The following PCDHGB2 variants were observed in gnomAD, a reference collection of about 807,000 sequenced individuals.
PCDHGB2 encodes protocadherin gamma subfamily B, 2, also known as protocadherin gamma-B2.
PCDHGB2 carries 55 observed loss-of-function variants against 59.3 expected under a neutral mutation model. That is an observed-to-expected ratio of 0.93 (90% confidence interval 0.75 to 1.16). PCDHGB2 has a LOEUF of 1.16. Among genes scored for constraint, PCDHGB2 ranks in the 50% most tolerant of loss-of-function variants. The probability of loss-of-function intolerance (pLI) is 0.00; values close to 1 mark genes in which losing one functional copy is unlikely to be tolerated. For missense variants in PCDHGB2, 1,228 were observed against 1,198.5 expected (o/e 1.02, Z -0.36); for synonymous variants, 516 against 512.0 (o/e 1.01, Z -0.11).
rs1386904017 is a variant in PCDHGB2 at position 141,476,642 on chromosome 5, CG to C, written c.2422-18164del. On this transcript the variant is annotated intron_variant, in intron 1 of 3. Coordinates refer to ENST00000522605, the MANE Select transcript of PCDHGB2 (RefSeq NM_018923.3). The surrounding 1 kb of genome is among the most constrained non-coding windows in gnomAD (Gnocchi z 7.6). ...CTCTTTACAAACCTATGAGCTGAGC[CG>C]AAATGAATACTTTGCGCTTCGCGTG... The C allele has an allele frequency of 2.5e-6, 4 of 1,614,240 alleles. No homozygotes were observed.
At chr5:141,406,702 A>G (rs1430662433) in intron 1 of PCDHGB2, among the ~76,000 whole-genome samples, 1 of 152,242 alleles carries the variant, frequency 6.6e-6, no homozygotes. Context: ...TCTATAGTAT[A>G]TGCTTGCTCA....
intron 1 of PCDHGB2, among the ~76,000 whole-genome samples, chr5:141,438,636 ACACACAC>A: frequency 3.9e-5 from 1 of 25,700 alleles, no homozygotes; most frequent in African/African-American, 1.5e-4. Flanking sequence ...ATATATATAT[ACACACAC>A]ACACACACAT....
chr5:141,431,658 C>T lies in PCDHGB2; in HGVS notation c.2422-63149C>T, dbSNP rs1283381348. 6.2e-7 allele frequency: 1 copy of T among 1,614,088 alleles called. No individual in the cohort carries two copies. ...TTCAAACTAGATTGTAATTCAGGGA[C>T]AATATCAACAATAGGGGAGTTGGAC... On this transcript the variant is annotated intron_variant, in intron 1 of 3. Transcript: ENST00000522605. The surrounding 1 kb of genome is among the most constrained non-coding windows in gnomAD (Gnocchi z 4.8).
intron 1 of PCDHGB2, chr5:141,404,273 C>G (rs751189949): frequency 6.2e-7 from 1 of 1,613,870 alleles, no homozygotes; most frequent in African/African-American, 1.3e-5. Flanking sequence ...CATCACCCTG[C>G]AAGTGACTGA....
At chr5:141,393,617 C>A (rs746699091) in intron 1 of PCDHGB2, 4 of 1,613,770 alleles carry the variant, frequency 2.5e-6, no homozygotes, top group African/African-American at 2.7e-5. Context: ...CAGCCAGCGA[C>A]CCGGATGAGG....
chr5:141,370,781 C>T (rs774285137), intron 1 of PCDHGB2: 16 of 1,613,898 alleles, frequency 9.9e-6, no homozygotes, highest in Non-Finnish European at 1.3e-5. Context: ...TTAACGACAA[C>T]CCACCGACCT....
chr5:141,410,101 C>T, intron 1 of PCDHGB2: 1 of 1,612,490 alleles, frequency 6.2e-7, no homozygotes, highest in African/African-American at 1.3e-5. Flanking sequence ...GAGCCTTAGG[C>T]GACAGGGACG....
chr5:141,366,149 C>T lies in PCDHGB2; in HGVS notation c.2421+3593C>T, dbSNP rs532159175. The stretch of plus-strand genomic sequence containing the variant: ...AGGCCAGAACGCCTGGCTGTCCTAC[C>T]GCCTGCTTAAGGCCAGCGAGCCAGG... On this transcript the variant is annotated intron_variant, in intron 1 of 3. Transcript: ENST00000522605. 9.9e-6 allele frequency: 16 copies of T among 1,614,042 alleles called. No homozygotes were observed. In the South Asian group the frequency reaches 1.5e-4, roughly 16 times the overall value.
intron 1 of PCDHGB2, among the ~76,000 whole-genome samples, chr5:141,444,838 T>G (rs2098448876): frequency 6.6e-6 from 1 of 152,214 alleles, no homozygotes; most frequent in African/African-American, 2.4e-5. Context: ...AGCTTTATAG[T>G]AAGTCTTGCT....
At chr5:141,422,721 G>A in intron 1 of PCDHGB2, 1 of 1,605,664 alleles carries the variant, frequency 6.2e-7, no homozygotes, top group East Asian at 2.2e-5. Flanking sequence ...ACACTGTCCA[G>A]GGGGTGCCTC....
chr5:141,455,255 C>T (rs1049752169), intron 1 of PCDHGB2, among the ~76,000 whole-genome samples: 16 of 152,146 alleles, frequency 1.1e-4, no homozygotes, highest in African/African-American at 3.9e-4. Flanking sequence ...AGTACAATCG[C>T]ATTTCTTCCC....
At chr5:141,389,571 C>T (rs2091830159) in intron 1 of PCDHGB2, 2 of 1,613,136 alleles carry the variant, frequency 1.2e-6, no homozygotes, top group East Asian at 2.2e-5. Context: ...GGTGCTGTAC[C>T]CCGCGCTGGG....
chr5:141,387,813 A>T, intron 1 of PCDHGB2: 6 of 1,531,348 alleles, frequency 3.9e-6, no homozygotes, highest in Non-Finnish European at 5.3e-6. Flanking sequence ...GAGATCCAAA[A>T]ATCTGCAATA....
rs1207223799 is a variant in PCDHGB2 at position 141,360,474 on chromosome 5, A to G, written c.339A>G (p.Pro113=). ...ATTTCGATACTGTCGCTGAAAATCC[A>G]CTAAATATTTTCTACATAGCAGTAA... ...VLDFDTVAEN[P]LNIFYIAVIV... The change falls in exon 1 of 4, where the codon CCA becomes CCG. Residue 113 remains proline, a synonymous_variant. Transcript: ENST00000522605. 6.2e-7 allele frequency: 1 copy of G among 1,613,864 alleles called. No homozygotes were observed. The highest frequency in any genetic ancestry group is 1.3e-5 in the African/African-American group (1 of 74,924).
chr5:141,365,657 G>A (rs79266084), intron 1 of PCDHGB2: 42,341 of 1,613,360 alleles, frequency 0.026, 713 homozygotes, highest in East Asian at 0.041. Flanking sequence ...CTTGAAAGTA[G>A]CAGACGTTAA....
At chr5:141,503,743 G>C (rs1465272424) in intron 2 of PCDHGB2, among the ~76,000 whole-genome samples, 1 of 152,126 alleles carries the variant, frequency 6.6e-6, no homozygotes, top group Non-Finnish European at 1.5e-5. Context: ...TGATGGTATA[G>C]AGGTCACACA....
intron 1 of PCDHGB2, chr5:141,418,398 T>C (rs754177868): frequency 6.2e-7 from 1 of 1,613,842 alleles, no homozygotes; most frequent in South Asian, 1.1e-5. Flanking sequence ...TATTTCTCAT[T>C]GGTGGAGAAA....
intron 1 of PCDHGB2, among the ~76,000 whole-genome samples, chr5:141,362,988 G>A (rs1762757672): frequency 6.6e-6 from 1 of 152,224 alleles, no homozygotes; most frequent in South Asian, 2.1e-4. Flanking sequence ...TTGCATAATG[G>A]CATGGCTTGT....
In PCDHGB2 at chr5:141,423,270, T is replaced by G. The variant is rs1304998648; in HGVS notation, c.2421+60714T>G. 3 of 1,613,686 alleles carry G rather than the reference T, an allele frequency of 1.9e-6. No homozygotes were observed. The African/African-American group carries it at 4.0e-5, about 22-fold the overall frequency. ...TGGCGGACCTCGGCAGCCTCGAGTC[T>G]CTGGCTAACTCTGAAACCTCAGACC... is the stretch of plus-strand genomic sequence containing the variant. On this transcript the variant is annotated intron_variant, in intron 1 of 3. Transcript: ENST00000522605.
Sources: gnomAD v4.1 joint callset for allele counts (sites outside exome capture counted in the v4.1 genomes callset) on GRCh38, gnomAD v4.1.1 for gene constraint, Gnocchi (gnomAD v3.1) non-coding constraint, MANE v1.5 for transcripts, NCBI Gene and HGNC (gene_info 2026-07-23, HGNC 2026-07-21) for gene names.